Variants in NRXN1 observed in about 807,000 individuals in gnomAD.
NRXN1 encodes the protein neurexin-1.
In NRXN1, 39 loss-of-function variants were observed where a neutral mutation model predicts 150.9. That is an observed-to-expected ratio of 0.26 (90% confidence interval 0.20 to 0.34). The LOEUF (loss-of-function observed/expected upper bound fraction) is 0.34, where lower values mean the gene tolerates loss of function less well. Among genes scored for constraint, NRXN1 ranks in the 10% least tolerant of loss-of-function variants. The pLI, the probability that NRXN1 is intolerant of heterozygous loss-of-function variation, is 1.00. For synonymous variants in NRXN1, 924 were observed against 757.0 expected (o/e 1.22, Z -3.62); for missense variants, 1,815 against 1,949.9 (o/e 0.93, Z 1.30).
chr2:50,536,974 T>C (rs2093275691), intron 10 of NRXN1, among the ~76,000 whole-genome samples: 1 of 152,184 alleles, frequency 6.6e-6, no homozygotes. Context: ...TCTAATTGCA[T>C]GACCTACAAT....
At chr2:50,498,315 C>T (rs189923460) in intron 13 of NRXN1, among the ~76,000 whole-genome samples, 51 of 152,250 alleles carry the variant, frequency 3.3e-4, no homozygotes, top group Non-Finnish European at 5.7e-4. Context: ...TCAATAATGA[C>T]CATAGTTTTT....
chr2:50,512,412 G>A (rs2092483838), intron 12 of NRXN1, among the ~76,000 whole-genome samples: 1 of 151,816 alleles, frequency 6.6e-6, no homozygotes, highest in Non-Finnish European at 1.5e-5. Context: ...TTGACAACAT[G>A]TAATTATGTT....
intron 5 of NRXN1, among the ~76,000 whole-genome samples, chr2:50,692,417 T>C (rs1368830158): frequency 6.6e-6 from 1 of 152,230 alleles, no homozygotes; most frequent in Non-Finnish European, 1.5e-5. Context: ...GTTCTGGATT[T>C]ATCTTTTCAA....
At chr2:50,692,636 G>A (rs1490002823) in intron 5 of NRXN1, among the ~76,000 whole-genome samples, 1 of 152,060 alleles carries the variant, frequency 6.6e-6, no homozygotes, top group Non-Finnish European at 1.5e-5. Context: ...AGCTATTTTT[G>A]TAATCTCGTT....
chr2:50,729,453 T>C (rs549566511), intron 5 of NRXN1, among the ~76,000 whole-genome samples: 2 of 152,228 alleles, frequency 1.3e-5, no homozygotes, highest in Non-Finnish European at 2.9e-5. Flanking sequence ...TCTGTAGAGC[T>C]AGGATGTGAA....
intron 19 of NRXN1, among the ~76,000 whole-genome samples, chr2:50,059,961 G>C (rs1326519941): frequency 6.6e-6 from 1 of 152,218 alleles, no homozygotes; most frequent in East Asian, 1.9e-4. Context: ...GGGCAGTGCA[G>C]AAAGAAAATG....
chr2:50,815,102 C>T (rs1388549825), intron 5 of NRXN1, among the ~76,000 whole-genome samples: 1 of 151,946 alleles, frequency 6.6e-6, no homozygotes, highest in Admixed American at 6.6e-5. Flanking sequence ...GCTTTACAAT[C>T]AAGTTAAACC....
intron 5 of NRXN1, among the ~76,000 whole-genome samples, chr2:50,797,894 CCA>C (rs1359996069): frequency 6.6e-6 from 1 of 152,088 alleles, no homozygotes; most frequent in Non-Finnish European, 1.5e-5. Context: ...CCAGAAGTTC[CCA>C]GTGTAAGCTA....
intron 18 of NRXN1, among the ~76,000 whole-genome samples, chr2:50,173,521 A>G (rs919220341): frequency 3.9e-5 from 6 of 152,178 alleles, no homozygotes; most frequent in Admixed American, 2.6e-4. Flanking sequence ...TCAGCCCACA[A>G]GAAAACCAGT....
In NRXN1 at chr2:50,918,923, A is replaced by C. The variant is rs143388750; in HGVS notation, c.832+2946T>G. 2.6e-4 allele frequency: 45 copies of C among 171,260 alleles called. 1 individual carries two copies. The highest frequency in any genetic ancestry group is 1.0e-3 in the African/African-American group (44 of 42,528). 10.6% of individuals were successfully genotyped at this position (171,260 alleles called of 1,614,324 possible). A position where few individuals can be genotyped will look rare whatever the true frequency, so the allele number is the denominator to read the frequency against. On this transcript the variant is annotated intron_variant, in intron 5 of 22. Transcript: ENST00000401669. ...AGCAAAAGTAAGGTTGGCTTTGAAT[A>C]ACAGATCTTCAGCTGCCCCAAAGAA...
At chr2:51,001,424 A>C (rs1257466165) in intron 2 of NRXN1, among the ~76,000 whole-genome samples, 1 of 151,990 alleles carries the variant, frequency 6.6e-6, no homozygotes, top group Non-Finnish European at 1.5e-5. Flanking sequence ...TTTTATCTGC[A>C]AAGTTAATTT....
At chr2:49,998,474 G>A (rs1683364044) in intron 21 of NRXN1, among the ~76,000 whole-genome samples, 2 of 151,874 alleles carry the variant, frequency 1.3e-5, no homozygotes, top group African/African-American at 2.4e-5. Flanking sequence ...TTTTAGAAAC[G>A]TCAAACTTTT....
At chr2:50,410,037 C>T (rs1374227125) in intron 17 of NRXN1, among the ~76,000 whole-genome samples, 2 of 152,112 alleles carry the variant, frequency 1.3e-5, no homozygotes, top group Middle Eastern at 3.2e-3. Context: ...GCCACATTGA[C>T]CTTTTTGTCC....
At chr2:50,423,097 T>C (rs2084128522) in intron 17 of NRXN1, among the ~76,000 whole-genome samples, 1 of 152,190 alleles carries the variant, frequency 6.6e-6, no homozygotes, top group Admixed American at 6.5e-5. Context: ...CCTTGACAAG[T>C]GAGAATTATT....
intron 17 of NRXN1, among the ~76,000 whole-genome samples, chr2:50,240,748 G>T (rs1453218962): frequency 1.3e-5 from 2 of 151,632 alleles, no homozygotes; most frequent in Admixed American, 6.6e-5. Flanking sequence ...GAAAAAAGAT[G>T]GGGATAGCAA....
intron 15 of NRXN1, among the ~76,000 whole-genome samples, chr2:50,488,728 C>G (rs189389658): frequency 6.6e-6 from 1 of 152,284 alleles, no homozygotes; most frequent in Admixed American, 6.5e-5. Flanking sequence ...CTCCCTTCAG[C>G]AAAAGGAGGG....
intron 5 of NRXN1, among the ~76,000 whole-genome samples, chr2:50,891,776 CTT>C (rs1176468324): frequency 2.0e-5 from 3 of 152,076 alleles, no homozygotes; most frequent in Admixed American, 1.3e-4. Context: ...AGGGTAAACT[CTT>C]GTTTTTATAC....
intron 21 of NRXN1, among the ~76,000 whole-genome samples, chr2:50,030,005 C>G (rs553898609): frequency 6.6e-6 from 1 of 152,212 alleles, no homozygotes; most frequent in Non-Finnish European, 1.5e-5. Context: ...CTCAAAGATG[C>G]AAATGCAAGC....
intron 17 of NRXN1, among the ~76,000 whole-genome samples, chr2:50,350,626 T>C (rs1575182854): frequency 6.6e-6 from 1 of 152,168 alleles, no homozygotes; most frequent in Non-Finnish European, 1.5e-5. Context: ...AGGCTGGGAC[T>C]TTGGAGAGCG....
Sources: allele counts gnomAD v4.1 joint callset (sites outside exome capture counted in the v4.1 genomes callset), GRCh38; gene constraint gnomAD v4.1.1; transcripts MANE v1.5; gene names NCBI Gene and HGNC (gene_info 2026-07-23, HGNC 2026-07-21).